The following MYO1A variants were observed in gnomAD, a reference collection of about 807,000 sequenced individuals.
MYO1A encodes myosin IA.
In MYO1A, 127 loss-of-function variants were observed where a neutral mutation model predicts 138.5. That is an observed-to-expected ratio of 0.92 (90% CI 0.79 to 1.06). The LOEUF is 1.06. MYO1A is among the 50% of genes least tolerant of loss of function. The pLI, the probability that MYO1A is intolerant of heterozygous loss-of-function variation, is 0.00. For missense variants in MYO1A, 1,211 were observed against 1,288.8 expected, an observed-to-expected ratio of 0.94 and a Z score of 0.92; for synonymous variants, 477 against 497.5, an observed-to-expected ratio of 0.96 and a Z score of 0.55.
intron 26 of MYO1A, 63 bp downstream of exon 26, chr12:57,029,372 C>A: frequency 6.2e-7 from 1 of 1,613,516 alleles, no homozygotes; most frequent in Non-Finnish European, 8.5e-7. Context: ...CTCCAGCCTG[C>A]CCCAGCCCTG....
chr12:57,038,118 C>T lies in MYO1A; in HGVS notation c.1761-49G>A. 3 of 1,588,176 alleles carry T rather than the reference C, an allele frequency of 1.9e-6. No individual in the cohort carries two copies. The East Asian group carries it at 6.7e-5, about 35-fold the overall frequency. On this transcript the variant is annotated intron_variant, in intron 17 of 27. Transcript: ENST00000300119. Reference sequence around the variant, plus strand: ...CAGCCTTCAGGAGCTGACATCATTGCCAGTGTAACCCATCATATTCCCCTA... The same window carrying T: ...CAGCCTTCAGGAGCTGACATCATTGTCAGTGTAACCCATCATATTCCCCTA...
intron 9 of MYO1A, 40 bp downstream of exon 9, chr12:57,044,066 T>A (rs1488615430): frequency 4.3e-6 from 7 of 1,614,032 alleles, no homozygotes; most frequent in Non-Finnish European, 5.9e-6. Context: ...GAATAGAGGA[T>A]GACCTAAGGG....
At position 57,028,559 on chromosome 12, in the gene MYO1A, C is replaced by G; in HGVS notation, c.*196G>C. ...CATGTTTTATTAGTGTGCAGAGAGG[C>G]TGCGGGTTGGAGGAAGCTACTTTTG... On this transcript the variant is annotated 3_prime_UTR_variant, in exon 28 of 28. Transcript: ENST00000300119. 1.5e-6 allele frequency: 1 copy of G among 651,716 alleles called. No individual in the cohort carries two copies. The highest frequency in any genetic ancestry group is 2.6e-6 in the Non-Finnish European group (1 of 387,458). The allele number at this position is 651,716 out of a possible 1,614,324, so 40.4% of individuals were successfully genotyped here.
In MYO1A at chr12:57,048,221, T is replaced by G; in HGVS notation, c.103A>C (p.Lys35Gln). ...LKNLQLRYENKEIYTYIGNVV... is the reference protein window; with the variant it reads ...LKNLQLRYENQEIYTYIGNVV... ...CATATGACACTCACATAAATCTCCT[T>G]GTTTTCATAGCGAAGCTGAAGATTC... The change falls in exon 2 of 28, where the codon AAG becomes CAG. Residue 35 changes from lysine (K) to glutamine (Q), a missense_variant. Lys to Gln is a moderately conservative substitution (Grantham distance 53, BLOSUM62 1). Transcript: ENST00000300119. The G allele has an allele frequency of 6.2e-7, 1 of 1,613,924 alleles. No homozygotes were observed. Among genetic ancestry groups the G allele is most frequent in the Non-Finnish European group, 8.5e-7 (1 of 1,179,794 alleles).
At position 57,036,937 on chromosome 12, in the gene MYO1A, C is replaced by A; in HGVS notation, c.2205+5G>T. ...AACAGAGTGGGACTTTGGGGATGAC[C>A]GTACCATGTTTCCCCGAAACCAAGA... is the stretch of plus-strand genomic sequence containing the variant. On this transcript the variant is annotated splice_donor_5th_base_variant and intron_variant, in intron 20 of 27. Transcript: ENST00000300119. The A allele has an allele frequency of 6.2e-7, 1 of 1,614,158 alleles. No individual in the cohort carries two copies. The highest frequency in any genetic ancestry group is 8.5e-7 in the Non-Finnish European group (1 of 1,180,036).
At chr12:57,045,084 C>T (rs2031038566) in intron 8 of MYO1A, among the ~76,000 whole-genome samples, 1 of 152,200 alleles carries the variant, frequency 6.6e-6, no homozygotes, top group African/African-American at 2.4e-5. Flanking sequence ...ATCTATATCC[C>T]AGCCCATATC....
chr12:57,039,583 G>A (rs2030765316), intron 14 of MYO1A: 1 of 422,668 alleles, frequency 2.4e-6, no homozygotes, highest in Admixed American at 3.5e-5. Flanking sequence ...TTAGGATAGA[G>A]ATTTCCTGTG....
At chr12:57,040,772 G>T (rs889867620) in intron 14 of MYO1A, among the ~76,000 whole-genome samples, 1 of 152,176 alleles carries the variant, frequency 6.6e-6, no homozygotes, top group Non-Finnish European at 1.5e-5. Flanking sequence ...AGGAAGTCTG[G>T]GATCATGGTG....
chr12:57,030,041 G>T, intron 24 of MYO1A, 169 bp from the exon 25 acceptor site: 1 of 1,319,532 alleles, frequency 7.6e-7, no homozygotes, highest in Non-Finnish European at 1.1e-6. Context: ...CTGGGGAGTT[G>T]TTAGAAAGGC....
Position 57,048,101 on chromosome 12 carries a change from A to G in MYO1A, c.118T>C (p.Tyr40His). The G allele has an allele frequency of 6.2e-7, 1 of 1,613,522 alleles. No individual in the cohort carries two copies. The highest frequency in any genetic ancestry group is 8.5e-7 in the Non-Finnish European group (1 of 1,179,396). ...ACTGAGATCACCACATTCCCAATGT[A>G]GGTCTGGAGCCAGGAAGAAGGTGAA... ...LRYENKEIYT[Y>H]IGNVVISVNP... The change falls in exon 3 of 28, where the codon TAC becomes CAC. Residue 40 changes from tyrosine (Y) to histidine (H), a missense_variant. Physicochemically the swap from Tyr to His is moderately conservative, Grantham distance 83 (BLOSUM62 2). Coordinates refer to ENST00000300119, the MANE Select transcript of MYO1A (RefSeq NM_005379.4).
Position 57,036,650 on chromosome 12 carries a change from C to T in MYO1A, c.2274+122G>A, listed in dbSNP as rs61939638. On this transcript the variant is annotated intron_variant, in intron 21 of 27. Transcript: ENST00000300119. ...TCCCAGACACCCACCCACACATGGA[C>T]CGGCTGATACACAGAGGTGCGGCCT... 158 of 1,226,986 alleles carry T rather than the reference C, an allele frequency of 1.3e-4. No homozygotes were observed. In the Middle Eastern group the frequency reaches 1.7e-3, roughly 13 times the overall value. 76.0% of individuals were successfully genotyped at this position (1,226,986 alleles called of 1,614,324 possible).
At chr12:57,047,522 AG>A (rs2031159380) in intron 4 of MYO1A, 104 bp downstream of exon 4, 2 of 1,511,870 alleles carry the variant, frequency 1.3e-6, no homozygotes, top group Admixed American at 1.7e-5. Context: ...AAAAGTGGAA[AG>A]GAAGTTCTGT....
rs748019193 is a variant in MYO1A at position 57,037,968 on chromosome 12, C to T, written c.1862G>A (p.Arg621Gln). The T allele has an allele frequency of 3.1e-6, 5 of 1,614,162 alleles. No homozygotes were observed. The highest frequency in any genetic ancestry group is 1.6e-4 in the Middle Eastern group (1 of 6,062). Residue 621 changes from arginine to glutamine, a missense_variant, in exon 18 of 28, where the codon CGA becomes CAA. Coordinates refer to ENST00000300119, the MANE Select transcript of MYO1A (RefSeq NM_005379.4). ...YLGLLENVRV[R>Q]RAGYAHRQGY... ...CTGGCGGTGGGCATAGCCTGCCCGT[C>T]GCACCCGTACGTTCTCCAGCAGTCC...
intron 8 of MYO1A, among the ~76,000 whole-genome samples, chr12:57,045,093 T>A (rs955343883): frequency 2.6e-5 from 4 of 152,190 alleles, no homozygotes; most frequent in Admixed American, 6.5e-5. Flanking sequence ...CCAGCCCATA[T>A]CATATGGGCT....
chr12:57,037,710 T>TA, intron 18 of MYO1A, 69 bp from the exon 19 acceptor site: 1 of 1,538,738 alleles, frequency 6.5e-7, no homozygotes. Context: ...ACCTTTCCCC[T>TA]AATCCTTTCA....
In MYO1A at chr12:57,030,304, G is replaced by A. The variant is rs373373231; in HGVS notation, c.2497C>T (p.Arg833Trp). The A allele has an allele frequency of 4.6e-5, 75 of 1,614,072 alleles. No homozygotes were observed. The African/African-American group carries it at 6.1e-4, about 13-fold the overall frequency. ...ACCTGCTTCGGGGACAGCTGATCCCGGAACCTCTTGCACTGTGAGGAAGGA... is the reference window on the plus strand; with the variant it reads ...ACCTGCTTCGGGGACAGCTGATCCCAGAACCTCTTGCACTGTGAGGAAGGA... ...LFYQWKCKRFRDQLSPKQVEI... is the reference protein window; with the variant it reads ...LFYQWKCKRFWDQLSPKQVEI... Residue 833 changes from arginine to tryptophan, a missense_variant, in exon 24 of 28, where the codon CGG becomes TGG. Physicochemically the swap from Arg to Trp is moderately radical, Grantham distance 101. Coordinates refer to ENST00000300119, the MANE Select transcript of MYO1A (RefSeq NM_005379.4).
In MYO1A at chr12:57,041,254, C is replaced by T. The variant is rs1314267946; in HGVS notation, c.1199G>A (p.Cys400Tyr). The T allele has an allele frequency of 1.9e-6, 3 of 1,614,106 alleles. No homozygotes were observed. Among genetic ancestry groups the T allele is most frequent in the Non-Finnish European group, 2.5e-6 (3 of 1,180,012 alleles). ...NSFEQFVINYCNEKLQQVFIE... is the reference protein window; with the variant it reads ...NSFEQFVINYYNEKLQQVFIE... The stretch of plus-strand genomic sequence containing the variant: ...GAACACCTGCTGCAGCTTCTCATTG[C>T]AGTAGTTGATCACAAATTGCTCAAA... Residue 400 changes from cysteine to tyrosine, a missense_variant, in exon 14 of 28, where the codon TGC (cysteine) becomes TAC (tyrosine). Coordinates refer to ENST00000300119, the MANE Select transcript of MYO1A (RefSeq NM_005379.4).
At chr12:57,039,757 C>T (rs79941217) in intron 14 of MYO1A, among the ~76,000 whole-genome samples, 2 of 152,268 alleles carry the variant, frequency 1.3e-5, no homozygotes, top group East Asian at 3.9e-4. Flanking sequence ...GCAGCACAAC[C>T]ACCTGGAGGG....
At position 57,038,059 on chromosome 12, in the gene MYO1A, G is replaced by A; in HGVS notation, c.1771C>T (p.Pro591Ser). 1 of 1,613,886 alleles carries A rather than the reference G, an allele frequency of 6.2e-7. No individual in the cohort carries two copies. The change falls in exon 18 of 28, where the codon CCC becomes TCC. Residue 591 changes from proline (P) to serine (S), a missense_variant. Pro to Ser is a moderately conservative substitution (Grantham distance 74). Coordinates refer to ENST00000300119, the MANE Select transcript of MYO1A (RefSeq NM_005379.4). ...KSPNYIRCIK[P>S]NEHQQRGQFS... Reference sequence around the variant, plus strand: ...TGACCTCGCTGCTGATGCTCATTGGGCTTTATGCACCTGGTGGGAGGTGGG... The same window carrying A: ...TGACCTCGCTGCTGATGCTCATTGGACTTTATGCACCTGGTGGGAGGTGGG...
Sources: gnomAD v4.1 joint callset for allele counts (sites outside exome capture counted in the v4.1 genomes callset) on GRCh38, gnomAD v4.1.1 for gene constraint, MANE v1.5 for transcripts, NCBI Gene and HGNC (gene_info 2026-07-23, HGNC 2026-07-21) for gene names.